CNTN1: variants seen among roughly 807,000 people sequenced by gnomAD.
CNTN1 encodes contactin 1.
CNTN1 carries 38 observed loss-of-function variants against 126.4 expected under a neutral mutation model. The observed-to-expected ratio is 0.30, with a 90% confidence interval of 0.23 to 0.39. CNTN1 has a LOEUF of 0.39. Among genes scored for constraint, CNTN1 ranks in the 10% least tolerant of loss-of-function variants. The pLI, the probability that CNTN1 is intolerant of heterozygous loss-of-function variation, is 1.00. For synonymous variants in CNTN1, 413 were observed against 422.6 expected (o/e 0.98, Z 0.28); for missense variants, 1,009 against 1,248.4 (o/e 0.81, Z 2.89).
At chr12:40,821,262 T>C (rs927983052) in intron 1 of CNTN1, among the ~76,000 whole-genome samples, 2 of 152,210 alleles carry the variant, frequency 1.3e-5, no homozygotes, top group Admixed American at 6.5e-5. Context: ...GAGAGACAGA[T>C]TGGCAGGTAT....
intron 1 of CNTN1, among the ~76,000 whole-genome samples, chr12:40,873,724 T>A (rs1352997768): frequency 6.6e-6 from 1 of 152,182 alleles, no homozygotes; most frequent in East Asian, 1.9e-4. Context: ...AGGCCATATC[T>A]GTAAAAACCC....
chr12:40,694,707 T>C (rs1941403655), intron 1 of CNTN1, among the ~76,000 whole-genome samples: 1 of 152,234 alleles, frequency 6.6e-6, no homozygotes, highest in Admixed American at 6.5e-5. Context: ...AATTATTTAA[T>C]CTACCAAGTT....
At chr12:40,868,936 C>T (rs987653096) in intron 1 of CNTN1, among the ~76,000 whole-genome samples, 22 of 151,842 alleles carry the variant, frequency 1.4e-4, no homozygotes, top group Non-Finnish European at 1.2e-4. Flanking sequence ...GCTTGAGTTA[C>T]GGACCTTGAA....
At chr12:41,008,567 G>A (rs968855774) in intron 17 of CNTN1, among the ~76,000 whole-genome samples, 1 of 152,122 alleles carries the variant, frequency 6.6e-6, no homozygotes, top group Non-Finnish European at 1.5e-5. Flanking sequence ...AATCTTTCCT[G>A]CAATTAATTC....
At chr12:40,967,278 C>T (rs1337313771) in intron 15 of CNTN1, among the ~76,000 whole-genome samples, 1 of 151,888 alleles carries the variant, frequency 6.6e-6, no homozygotes, top group Non-Finnish European at 1.5e-5. Context: ...GTCAGGAGTT[C>T]GAGACCAACC....
rs555025282 is a variant in CNTN1 at position 40,879,166 on chromosome 12, A to T, written c.-76-29191A>T. ...TTTCATGTTGAAATTTTAAGGCACC[A>T]TGATGACTTTAATTATATATATTAA... On this transcript the variant is annotated intron_variant, in intron 1 of 23. Transcript: ENST00000551295. Among the ~76,000 whole-genome samples, 17 of 152,278 alleles carry T rather than the reference A, an allele frequency of 1.1e-4. No individual in the cohort carries two copies. The South Asian group carries it at 3.3e-3, about 30-fold the overall frequency.
At chr12:40,741,709 A>G (rs1937950880) in intron 1 of CNTN1, among the ~76,000 whole-genome samples, 3 of 152,096 alleles carry the variant, frequency 2.0e-5, no homozygotes, top group Admixed American at 1.3e-4. Context: ...ATCTCAGAGA[A>G]GTAGACATTA....
At chr12:40,806,383 T>G (rs1186619231) in intron 1 of CNTN1, among the ~76,000 whole-genome samples, 2 of 152,168 alleles carry the variant, frequency 1.3e-5, no homozygotes, top group African/African-American at 4.8e-5. Flanking sequence ...TTGTTTGTTT[T>G]TACCATTCCC....
chr12:40,791,627 C>T (rs1244687686), intron 1 of CNTN1, among the ~76,000 whole-genome samples: 1 of 152,120 alleles, frequency 6.6e-6, no homozygotes, highest in African/African-American at 2.4e-5. Flanking sequence ...TGTTCGTTTA[C>T]ATCTATAATC....
chr12:40,870,530 T>C (rs1041484072), intron 1 of CNTN1, among the ~76,000 whole-genome samples: 1 of 152,138 alleles, frequency 6.6e-6, no homozygotes, highest in African/African-American at 2.4e-5. Flanking sequence ...AGATAATAGA[T>C]TTTCATTTCC....
At chr12:40,847,949 G>T (rs185795374) in intron 1 of CNTN1, among the ~76,000 whole-genome samples, 12 of 152,274 alleles carry the variant, frequency 7.9e-5, no homozygotes, top group African/African-American at 2.6e-4. Context: ...TCACTTGCAC[G>T]GGCAGTTCAC....
intron 6 of CNTN1, among the ~76,000 whole-genome samples, chr12:40,925,800 TTATATATATATATATATA>T (rs370971706): frequency 8.6e-6 from 1 of 116,600 alleles, no homozygotes; most frequent in African/African-American, 3.5e-5. Flanking sequence ...ACTATTGAAA[TTATATATATATATATATA>T]TATATATATA....
At chr12:40,995,984 T>C (rs1282403424) in intron 17 of CNTN1, among the ~76,000 whole-genome samples, 2 of 152,138 alleles carry the variant, frequency 1.3e-5, no homozygotes, top group East Asian at 3.8e-4. Context: ...GGGATTCAAA[T>C]CTAGGTGTTT....
intron 14 of CNTN1, among the ~76,000 whole-genome samples, chr12:40,951,093 G>A (rs1277038533): frequency 6.6e-6 from 1 of 152,086 alleles, no homozygotes; most frequent in Non-Finnish European, 1.5e-5. Context: ...TATATGAGTT[G>A]TATTTCAACT....
chr12:40,765,780 G>T (rs1939060331), intron 1 of CNTN1, among the ~76,000 whole-genome samples: 1 of 152,068 alleles, frequency 6.6e-6, no homozygotes, highest in Non-Finnish European at 1.5e-5. Context: ...AATTCTGAAA[G>T]AATAAATAAA....
intron 1 of CNTN1, among the ~76,000 whole-genome samples, chr12:40,786,322 A>C (rs1250632297): frequency 6.6e-6 from 1 of 152,160 alleles, no homozygotes; most frequent in East Asian, 1.9e-4. Context: ...GCAACAGCTG[A>C]TTAAGTCCTT....
chr12:40,785,624 G>A (rs1377728134), intron 1 of CNTN1, among the ~76,000 whole-genome samples: 2 of 152,048 alleles, frequency 1.3e-5, no homozygotes, highest in African/African-American at 4.8e-5. Context: ...CTCAAGGGTG[G>A]GGAGAATTAC....
rs147964495 is a variant in CNTN1 at position 40,892,690 on chromosome 12, G to A, written c.-76-15667G>A. On this transcript the variant is annotated intron_variant, in intron 1 of 23. Coordinates refer to ENST00000551295, the MANE Select transcript of CNTN1 (RefSeq NM_001843.4). ...ACTATATACTCACAGCTTCCGGAAGGGAAGTCCACTTCTGCAAGGGCAAGA... is the reference window on the plus strand; with the variant it reads ...ACTATATACTCACAGCTTCCGGAAGAGAAGTCCACTTCTGCAAGGGCAAGA... 2.8e-4 allele frequency among the ~76,000 whole-genome samples: 43 copies of A among 152,154 alleles called. 1 individual carries two copies. In the South Asian group the frequency reaches 6.4e-3, roughly 23 times the overall value.
At chr12:40,894,745 T>C (rs533853195) in intron 1 of CNTN1, among the ~76,000 whole-genome samples, 1 of 152,306 alleles carries the variant, frequency 6.6e-6, no homozygotes, top group African/African-American at 2.4e-5. Context: ...TAATATATAA[T>C]GCTGGCTTCA....
Sources: gnomAD v4.1 joint callset for allele counts (sites outside exome capture counted in the v4.1 genomes callset) on GRCh38, gnomAD v4.1.1 for gene constraint, MANE v1.5 for transcripts, NCBI Gene and HGNC (gene_info 2026-07-23, HGNC 2026-07-21) for gene names.